The following SLC22A3 variants were observed in gnomAD, a reference collection of about 807,000 sequenced individuals.
SLC22A3 encodes the protein EMT organic cation transporter 3.
SLC22A3 carries 51 observed loss-of-function variants against 59.1 expected under a neutral mutation model. The ratio of observed to expected loss-of-function variants is 0.86; its 90% CI spans 0.69 to 1.09. SLC22A3 has a LOEUF of 1.09. Among genes scored for constraint, SLC22A3 ranks in the 50% least tolerant of loss-of-function variants. The pLI, the probability that SLC22A3 is intolerant of heterozygous loss-of-function variation, is 0.00. For missense variants in SLC22A3, 711 were observed against 726.3 expected, an observed-to-expected ratio of 0.98 and a Z score of 0.24; for synonymous variants, 325 against 292.0, an observed-to-expected ratio of 1.11 and a Z score of -1.15.
chr6:160,429,687 G>T (rs1427923332), intron 5 of SLC22A3, among the ~76,000 whole-genome samples: 1 of 152,146 alleles, frequency 6.6e-6, no homozygotes, highest in Non-Finnish European at 1.5e-5. Context: ...GCTGACTTGT[G>T]GGTCATACTT....
At chr6:160,390,727 T>G (rs2114816434) in intron 1 of SLC22A3, among the ~76,000 whole-genome samples, 1 of 152,316 alleles carries the variant, frequency 6.6e-6, no homozygotes, top group Middle Eastern at 3.4e-3. Context: ...TTCCTTGTTG[T>G]TTTATTAATC....
chr6:160,379,545 C>A lies in SLC22A3; in HGVS notation c.430-18434C>A, dbSNP rs539806693. Among the ~76,000 whole-genome samples the A allele has an allele frequency of 1.8e-4, 28 of 151,588 alleles. No homozygotes were observed. In the South Asian group the frequency reaches 5.6e-3, roughly 30 times the overall value. ...AAGAACCATAAAAGTCAGTGAAAAT[C>A]TGCATTATTATTATCCTGTGTGTTT... On this transcript the variant is annotated intron_variant, in intron 1 of 10. Transcript: ENST00000275300.
At chr6:160,419,623 GA>G (rs1787646819) in intron 5 of SLC22A3, among the ~76,000 whole-genome samples, 1 of 152,348 alleles carries the variant, frequency 6.6e-6, no homozygotes, top group East Asian at 1.9e-4. Flanking sequence ...TTATTAGAAA[GA>G]AAGTCACTGG....
chr6:160,420,248 G>A (rs1006721889), intron 5 of SLC22A3, among the ~76,000 whole-genome samples: 1 of 152,158 alleles, frequency 6.6e-6, no homozygotes, highest in Non-Finnish European at 1.5e-5. Flanking sequence ...TAAAGAATGA[G>A]ATTGCAGCCT....
chr6:160,447,596 G>C, intron 9 of SLC22A3, 123 bp from the exon 10 acceptor site: 1 of 792,376 alleles, frequency 1.3e-6, no homozygotes, highest in Non-Finnish European at 2.3e-6. Flanking sequence ...CTGGGATGCA[G>C]AGGTTGCTGT....
chr6:160,384,108 T>G (rs1276435219), intron 1 of SLC22A3, among the ~76,000 whole-genome samples: 1 of 152,176 alleles, frequency 6.6e-6, no homozygotes, highest in Non-Finnish European at 1.5e-5. Context: ...TCTTGTATTT[T>G]TAGTAGAGAC....
At chr6:160,375,113 T>G (rs1785543135) in intron 1 of SLC22A3, among the ~76,000 whole-genome samples, 2 of 152,156 alleles carry the variant, frequency 1.3e-5, no homozygotes, top group Admixed American at 6.5e-5. Flanking sequence ...TTCCAGAAAT[T>G]TTGCAAGCCA....
intron 1 of SLC22A3, among the ~76,000 whole-genome samples, chr6:160,380,366 A>T (rs73589296): frequency 0.02 from 3,023 of 152,194 alleles, 75 homozygotes; most frequent in African/African-American, 0.069. Flanking sequence ...CTGTAACAAT[A>T]ATGAAAAGTA....
At chr6:160,445,881 T>C (rs1039717724) in intron 9 of SLC22A3, among the ~76,000 whole-genome samples, 3 of 152,064 alleles carry the variant, frequency 2.0e-5, no homozygotes, top group South Asian at 2.1e-4. Flanking sequence ...CAAGTGGAAA[T>C]AGAAACCAGC....
Position 160,417,561 on chromosome 6 carries a change from G to A in SLC22A3, c.975+6715G>A, listed in dbSNP as rs181576053. On this transcript the variant is annotated intron_variant, in intron 5 of 10. Transcript: ENST00000275300. ...GGTGATGCAGGGGTATCTGATTGTG[G>A]TAGATTAAATTACTGTTTGGAGAGA... 2.6e-5 allele frequency among the ~76,000 whole-genome samples: 4 copies of A among 152,298 alleles called. No individual in the cohort carries two copies. In the East Asian group the frequency reaches 5.8e-4, roughly 22 times the overall value.
intron 1 of SLC22A3, among the ~76,000 whole-genome samples, chr6:160,367,433 A>G (rs942916712): frequency 3.3e-5 from 5 of 152,218 alleles, no homozygotes; most frequent in Admixed American, 6.5e-5. Flanking sequence ...GCAAAACCAT[A>G]TCACGTGGTT....
intron 7 of SLC22A3, 107 bp from the exon 8 acceptor site, chr6:160,442,654 A>C: frequency 1.2e-6 from 1 of 822,460 alleles, no homozygotes; most frequent in Non-Finnish European, 2.1e-6. Flanking sequence ...TAAAATTGGC[A>C]AAGACTTCAG....
chr6:160,389,246 T>C (rs1720812237), intron 1 of SLC22A3, among the ~76,000 whole-genome samples: 1 of 152,174 alleles, frequency 6.6e-6, no homozygotes, highest in South Asian at 2.1e-4. Context: ...GAGCCATTTT[T>C]TTGTCTTGTA....
At chr6:160,379,280 G>C (rs2457555) in intron 1 of SLC22A3, among the ~76,000 whole-genome samples, 127,986 of 152,228 alleles carry the variant, frequency 0.84, 54,388 homozygotes, top group East Asian at 1. Context: ...TTGATACCCT[G>C]TCTACATCAT....
intron 5 of SLC22A3, among the ~76,000 whole-genome samples, chr6:160,428,902 A>G (rs190363627): frequency 1.2e-3 from 178 of 152,328 alleles, no homozygotes; most frequent in Non-Finnish European, 7.9e-4. Context: ...ATTCTCTTTT[A>G]TGGGTACCAG....
At chr6:160,363,927 T>A (rs1045927621) in intron 1 of SLC22A3, among the ~76,000 whole-genome samples, 1 of 151,730 alleles carries the variant, frequency 6.6e-6, no homozygotes, top group African/African-American at 2.4e-5. Context: ...AGTGAAGGGG[T>A]TTCCTGGGAT....
chr6:160,380,293 C>T (rs1363474188), intron 1 of SLC22A3, among the ~76,000 whole-genome samples: 1 of 151,996 alleles, frequency 6.6e-6, no homozygotes, highest in Non-Finnish European at 1.5e-5. Context: ...TATGACTTGA[C>T]TATAGTTTAA....
intron 7 of SLC22A3, among the ~76,000 whole-genome samples, chr6:160,442,121 C>T (rs1247984281): frequency 6.6e-6 from 1 of 152,192 alleles, no homozygotes; most frequent in Non-Finnish European, 1.5e-5. Context: ...AACCAATTAG[C>T]ATTGATGAAT....
At chr6:160,424,003 G>A (rs12209391) in intron 5 of SLC22A3, among the ~76,000 whole-genome samples, 16,557 of 152,180 alleles carry the variant, frequency 0.11, 1,230 homozygotes, top group Non-Finnish European at 0.16. Flanking sequence ...TTTGTATAAG[G>A]TGTAAGGAAG....
Sources: allele counts gnomAD v4.1 joint callset (sites outside exome capture counted in the v4.1 genomes callset), GRCh38; gene constraint gnomAD v4.1.1; transcripts MANE v1.5; gene names NCBI Gene and HGNC (gene_info 2026-07-23, HGNC 2026-07-21).